Variants in BMP1 observed in about 807,000 individuals in gnomAD.
BMP1 encodes bone morphogenetic protein 1.
BMP1 carries 63 observed loss-of-function variants against 116.8 expected under a neutral mutation model. The observed-to-expected ratio is 0.54, with a 90% CI of 0.44 to 0.67. The LOEUF (loss-of-function observed/expected upper bound fraction) is 0.67. BMP1 is among the 30% of genes least tolerant of loss of function. The pLI is 0.00. For missense variants in BMP1, 1,183 were observed against 1,358.9 expected, an observed-to-expected ratio of 0.87 and a Z score of 2.04; for synonymous variants, 536 against 533.4, an observed-to-expected ratio of 1.00 and a Z score of -0.07.
rs762449236 is a variant in BMP1, at chr8:22,195,469, C to T, written c.1647C>T (p.Asp549=). Residue 549 remains aspartate (D), a synonymous_variant, in exon 13 of 20, where the codon GAC becomes GAT. Coordinates refer to ENST00000306385, the MANE Select transcript of BMP1 (RefSeq NM_006129.5). ...CTTTCCTTCCCACCACAGAGGTGGA[C>T]GAGTGCTCTCGGCCCAACCGCGGGG... is the stretch of plus-strand genomic sequence containing the variant. ...GFAVNFFKEV[D]ECSRPNRGGC... The T allele has an allele frequency of 4.4e-6, 7 of 1,606,700 alleles. No individual in the cohort carries two copies. The highest frequency in any genetic ancestry group is 3.3e-5 in the South Asian group (3 of 89,994).
chr8:22,201,493 C>A, intron 15 of BMP1: 1 of 1,400,838 alleles, frequency 7.1e-7, no homozygotes, highest in Non-Finnish European at 9.2e-7. Flanking sequence ...GTCTGCTTGT[C>A]CATGTGTCTA....
At chr8:22,187,591 C>T (rs904643326) in intron 8 of BMP1, among the ~76,000 whole-genome samples, 3 of 146,114 alleles carry the variant, frequency 2.1e-5, no homozygotes, top group South Asian at 4.4e-4. Flanking sequence ...CCTCATGATA[C>T]GCCCACCTCA....
In BMP1 at chr8:22,194,422, C is replaced by T. The variant is rs377726193; in HGVS notation, c.1298-23C>T. The T allele has an allele frequency of 4.4e-5, 71 of 1,613,334 alleles. No individual in the cohort carries two copies. Among genetic ancestry groups the T allele is most frequent in the Non-Finnish European group, 5.7e-5 (67 of 1,179,612 alleles). Reference sequence around the variant, plus strand: ...AGCATGCTGACTCACCACCCCTTCCCACCCCATCCTGTGTCCCCACAGCCA... The same window carrying T: ...AGCATGCTGACTCACCACCCCTTCCTACCCCATCCTGTGTCCCCACAGCCA... On this transcript the variant is annotated intron_variant, in intron 10 of 19. Coordinates refer to ENST00000306385, the MANE Select transcript of BMP1 (RefSeq NM_006129.5). The surrounding 1 kb of genome is among the most constrained non-coding windows in gnomAD (Gnocchi z 4.5).
intron 15 of BMP1, chr8:22,201,080 C>A: frequency 6.3e-7 from 1 of 1,592,994 alleles, no homozygotes; most frequent in Non-Finnish European, 8.6e-7. Flanking sequence ...TCCACCCCCA[C>A]CCCTTGGTCC....
At chr8:22,165,882 C>CGTGCGTGTGTGTGT (rs1016666673) in intron 1 of BMP1, among the ~76,000 whole-genome samples, 77 of 131,418 alleles carry the variant, frequency 5.9e-4, no homozygotes, top group East Asian at 1.0e-3. Context: ...CCTGTGCGTG[C>CGTGCGTGTGTGTGT]GTGTGTGTGT....
At chr8:22,201,548 C>T (rs1420965292) in intron 15 of BMP1, 4 of 1,414,646 alleles carry the variant, frequency 2.8e-6, no homozygotes, top group South Asian at 1.5e-5. Flanking sequence ...AATGGTGACC[C>T]ATGCTGGTCC....
At chr8:22,183,450 T>C (rs964802464) in intron 8 of BMP1, among the ~76,000 whole-genome samples, 5 of 152,184 alleles carry the variant, frequency 3.3e-5, no homozygotes, top group Non-Finnish European at 5.9e-5. Context: ...CCTTTTTTGC[T>C]GTTTTCTACC....
In BMP1 at chr8:22,201,792, C is replaced by T. The variant is rs1170179142; in HGVS notation, c.2108-11C>T. ...CAGACCCAGCGTCTGCCCTTATTTG[C>T]TCCCCTGCAGACAAGGACGAGTGCT... On this transcript the variant is annotated splice_polypyrimidine_tract_variant and intron_variant, in intron 15 of 19. Coordinates refer to ENST00000306385, the MANE Select transcript of BMP1 (RefSeq NM_006129.5). 6.2e-7 allele frequency: 1 copy of T among 1,612,996 alleles called. No individual in the cohort carries two copies. The highest frequency in any genetic ancestry group is 2.2e-5 in the East Asian group (1 of 44,870).
At chr8:22,197,742 A>C (rs919750094) in intron 15 of BMP1, among the ~76,000 whole-genome samples, 2 of 152,212 alleles carry the variant, frequency 1.3e-5, no homozygotes, top group African/African-American at 2.4e-5. Context: ...GGGAGAGGGC[A>C]GGTCCTAGGA....
chr8:22,209,020 T>A (rs76807832), intron 18 of BMP1, among the ~76,000 whole-genome samples: 1,811 of 152,282 alleles, frequency 0.012, 26 homozygotes, highest in African/African-American at 0.041. Flanking sequence ...GTGTTTTTTT[T>A]AAAAATGTGA....
rs187746821 is a variant in BMP1 at position 22,190,007 on chromosome 8, G to C, written c.1078-2042G>C. 5.2e-3 allele frequency among the ~76,000 whole-genome samples: 795 copies of C among 152,064 alleles called. 10 individuals carry two copies. Among genetic ancestry groups the C allele is most frequent in the African/African-American group, 0.018 (760 of 41,474 alleles). ...ATGATCTAGGCTCACTGCAACCTCT[G>C]CCTCCCAGGTTCAAGCGATTCTCCT... is the stretch of plus-strand genomic sequence containing the variant. On this transcript the variant is annotated intron_variant, in intron 8 of 19. Coordinates refer to ENST00000306385, the MANE Select transcript of BMP1 (RefSeq NM_006129.5).
intron 2 of BMP1, among the ~76,000 whole-genome samples, chr8:22,175,784 G>A (rs1289949689): frequency 6.6e-6 from 1 of 152,194 alleles, no homozygotes; most frequent in African/African-American, 2.4e-5. Flanking sequence ...CTCAGGGGCT[G>A]TTTTAAACAG....
chr8:22,203,854 TTC>T lies in BMP1; in HGVS notation c.2233+1928_2233+1929del, dbSNP rs572160361. On this transcript the variant is annotated intron_variant, in intron 16 of 19. Transcript: ENST00000306385. ...TTATACTGATATTGTCTAAACTGCA[TTC>T]TGTCTCTGTACTCCCCTGTGTAAAA... 3.2e-3 allele frequency among the ~76,000 whole-genome samples: 484 copies of T among 152,342 alleles called. 3 individuals carry two copies. The highest frequency in any genetic ancestry group is 5.5e-3 in the Non-Finnish European group (374 of 68,042).
At position 22,177,109 on chromosome 8, in the gene BMP1, G is replaced by C. The variant is rs1828464991; in HGVS notation, c.700G>C (p.Val234Leu). 1 of 1,610,108 alleles carries C rather than the reference G, an allele frequency of 6.2e-7. No individual in the cohort carries two copies. ...EHTRPDRDRH[V>L]SIVRENIQPG... ...CACTCGGCCAGACCGGGACCGCCAC[G>C]TTTCCATCGTTCGTGAGAACATCCA... Residue 234 changes from valine (V) to leucine (L), a missense_variant, in exon 5 of 20, where the codon GTT becomes CTT. Around this residue, in one of 4 missense-constraint regions of BMP1, gnomAD observed 956 missense variants for 1,135.2 expected, o/e 0.84. Coordinates refer to ENST00000306385, the MANE Select transcript of BMP1 (RefSeq NM_006129.5).
intron 15 of BMP1, chr8:22,199,243 C>T (rs749637939): frequency 2.2e-6 from 3 of 1,367,460 alleles, no homozygotes; most frequent in African/African-American, 1.5e-5. Flanking sequence ...GGGCCCGGGG[C>T]ATCTGACTCT....
intron 1 of BMP1, among the ~76,000 whole-genome samples, chr8:22,173,026 C>T (rs1828325444): frequency 2.0e-5 from 3 of 152,338 alleles, no homozygotes; most frequent in African/African-American, 7.2e-5. Flanking sequence ...CCATTGCTAT[C>T]TGGAAGACCC....
In BMP1 at chr8:22,197,335, C is replaced by T; in HGVS notation, c.2022C>T (p.Ile674=). The T allele has an allele frequency of 6.2e-7, 1 of 1,614,054 alleles. No homozygotes were observed. The change falls in exon 15 of 20, where the codon ATC becomes ATT. Residue 674 remains isoleucine (I), a synonymous_variant. Coordinates refer to ENST00000306385, the MANE Select transcript of BMP1 (RefSeq NM_006129.5). ...KFCGSEKPEV[I]TSQYNNMRVE... is the part of the protein sequence containing the mutation. ...GTGGTTCTGAGAAGCCCGAGGTCATCACCTCCCAGTACAACAACATGCGCG... is the reference window on the plus strand; with the variant it reads ...GTGGTTCTGAGAAGCCCGAGGTCATTACCTCCCAGTACAACAACATGCGCG...
chr8:22,176,552 C>G lies in BMP1; in HGVS notation c.453C>G (p.Phe151Leu). ...TGGCAGGTAGCCAGAGGGCAGTCTT[C>G]CGGCAGGCCATGAGGCACTGGGAGA... The part of the protein sequence containing the change: ...GNFTGSQRAV[F>L]RQAMRHWEKH... Residue 151 changes from phenylalanine to leucine, a missense_variant, in exon 4 of 20, where the codon TTC (phenylalanine) becomes TTG (leucine). Phe to Leu is a conservative substitution (Grantham distance 22, BLOSUM62 0). Around this residue, in one of 4 missense-constraint regions of BMP1, gnomAD observed 40 missense variants for 47.5 expected, o/e 0.84. Transcript: ENST00000306385. 2 of 1,614,204 alleles carry G rather than the reference C, an allele frequency of 1.2e-6. No individual in the cohort carries two copies. The highest frequency in any genetic ancestry group is 1.7e-6 in the Non-Finnish European group (2 of 1,180,018).
chr8:22,190,911 A>G (rs1412858230), intron 8 of BMP1, among the ~76,000 whole-genome samples: 1 of 152,180 alleles, frequency 6.6e-6, no homozygotes, highest in Non-Finnish European at 1.5e-5. Context: ...CTGGCCTCGC[A>G]GGTCACGGTG....
Sources: allele counts gnomAD v4.1 joint callset (sites outside exome capture counted in the v4.1 genomes callset), GRCh38; gene constraint gnomAD v4.1.1; regional missense constraint gnomAD v4.1.1; non-coding constraint Gnocchi (gnomAD v3.1); transcripts MANE v1.5; gene names NCBI Gene and HGNC (gene_info 2026-07-23, HGNC 2026-07-21).